The following SLC12A2 variants were observed in gnomAD, a reference collection of about 807,000 sequenced individuals.
The protein encoded by SLC12A2 is Na-K-2Cl cotransporter 1.
Under a neutral mutation model 136.3 loss-of-function variants are expected in SLC12A2, and 67 were observed. The observed-to-expected ratio is 0.49, with a 90% CI of 0.40 to 0.60. The LOEUF is 0.60. Ranked by LOEUF, SLC12A2 falls within the 20% of genes least tolerant of loss-of-function variation. The probability of loss-of-function intolerance (pLI) is 0.00; values close to 1 mark genes in which losing one functional copy is unlikely to be tolerated. For missense variants in SLC12A2, 1,322 were observed against 1,534.7 expected, an observed-to-expected ratio of 0.86 and a Z score of 2.32; for synonymous variants, 619 against 562.9, an observed-to-expected ratio of 1.10 and a Z score of -1.41.
At position 128,122,083 on chromosome 5, in the gene SLC12A2, A is replaced by G. The variant is rs6867100; in HGVS notation, c.1048+7402A>G. Reference sequence around the variant, plus strand: ...TTTTAATTAATACTGTATTATATGAACTGAGCAATACAAAGGAAAGTTTCC... The same window carrying G: ...TTTTAATTAATACTGTATTATATGAGCTGAGCAATACAAAGGAAAGTTTCC... On this transcript the variant is annotated intron_variant, in intron 4 of 26. Transcript: ENST00000262461. 9.1e-3 allele frequency among the ~76,000 whole-genome samples: 1,389 copies of G among 152,332 alleles called. 19 individuals are homozygous for G. Among genetic ancestry groups the G allele is most frequent in the African/African-American group, 0.031 (1,297 of 41,576 alleles).
In SLC12A2 at chr5:128,112,835, G is replaced by A; in HGVS notation, c.778G>A (p.Ala260Thr). 6.2e-7 allele frequency: 1 copy of A among 1,610,738 alleles called. No individual in the cohort carries two copies. Among genetic ancestry groups the A allele is most frequent in the Non-Finnish European group, 8.5e-7 (1 of 1,178,330 alleles). Residue 260 changes from alanine (A) to threonine (T), a missense_variant, in exon 2 of 27, where the codon GCA becomes ACA. By Grantham distance (58) the Ala-to-Thr change is moderately conservative. Transcript: ENST00000262461. ...CCAGGAACCTTTTGAGGATGGCTTT[G>A]CAAATGGGGAAGAAAGTACTCCAAC... ...LEKEPFEDGFANGEESTPTRD... is the reference protein window; with the variant it reads ...LEKEPFEDGFTNGEESTPTRD...
intron 7 of SLC12A2, among the ~76,000 whole-genome samples, chr5:128,138,023 G>A (rs937421432): frequency 6.0e-5 from 9 of 150,724 alleles, no homozygotes; most frequent in Non-Finnish European, 1.3e-4. Flanking sequence ...CTGGAGTGTC[G>A]ACTGTCCAGG....
chr5:128,182,711 G>T lies in SLC12A2; in HGVS notation c.3213-144G>T, dbSNP rs558933174. ...GTGAATTTAAGTCTACTTTGTGAAT[G>T]AATGGTGTGAATTAATTCAAATGGA... On this transcript the variant is annotated intron_variant, in intron 23 of 26. Transcript: ENST00000262461. 30 of 549,764 alleles carry T rather than the reference G, an allele frequency of 5.5e-5. 1 individual carries two copies. The South Asian group carries it at 8.3e-4, about 15-fold the overall frequency. 34.1% of individuals were successfully genotyped at this position (549,764 alleles called of 1,614,324 possible).
intron 17 of SLC12A2, among the ~76,000 whole-genome samples, chr5:128,163,279 A>T (rs145540975): frequency 6.6e-6 from 1 of 152,286 alleles, no homozygotes; most frequent in African/African-American, 2.4e-5. Context: ...CTGTAATCTT[A>T]GCACTTTGGG....
chr5:128,142,129 G>C (rs1210877680), intron 10 of SLC12A2, 148 bp downstream of exon 10: 1 of 669,818 alleles, frequency 1.5e-6, no homozygotes, highest in East Asian at 3.0e-5. Context: ...TTGAGATAGA[G>C]TCTCACTCTG....
At chr5:128,171,856 G>A (rs1040571858) in intron 19 of SLC12A2, 110 bp downstream of exon 19, 14 of 661,768 alleles carry the variant, frequency 2.1e-5, no homozygotes, top group Middle Eastern at 4.2e-4. Context: ...ATTATGTATC[G>A]TGGACTTATT....
At chr5:128,113,644 T>C (rs1012429433) in intron 2 of SLC12A2, among the ~76,000 whole-genome samples, 2 of 152,188 alleles carry the variant, frequency 1.3e-5, no homozygotes, top group African/African-American at 4.8e-5. Context: ...TCAGGTAGTA[T>C]TGTTTGCCTT....
chr5:128,152,903 A>G (rs1455355446), intron 15 of SLC12A2, 98 bp downstream of exon 15: 1 of 784,774 alleles, frequency 1.3e-6, no homozygotes, highest in Non-Finnish European at 2.3e-6. Context: ...CACATTTTTA[A>G]TCGGTCTTGG....
rs550307508 is a variant in SLC12A2, at chr5:128,163,114, C to T, written c.2616+1314C>T. On this transcript the variant is annotated intron_variant, in intron 17 of 26. Coordinates refer to ENST00000262461, the MANE Select transcript of SLC12A2 (RefSeq NM_001046.3). ...TGTGGTAATGTAGATTGGACAACAACGCTGTCCAAAATAGGAAAGCAACCT... is the reference window on the plus strand; with the variant it reads ...TGTGGTAATGTAGATTGGACAACAATGCTGTCCAAAATAGGAAAGCAACCT... Among the ~76,000 whole-genome samples, 5 of 152,262 alleles carry T rather than the reference C, an allele frequency of 3.3e-5. No individual in the cohort carries two copies. The East Asian group carries it at 5.8e-4, about 18-fold the overall frequency.
At chr5:128,119,350 G>A (rs1364410982) in intron 4 of SLC12A2, among the ~76,000 whole-genome samples, 1 of 152,122 alleles carries the variant, frequency 6.6e-6, no homozygotes, top group Non-Finnish European at 1.5e-5. Context: ...TATGTTTATT[G>A]TTTAGTAATT....
At chr5:128,150,254 CTT>C (rs1444964320) in intron 13 of SLC12A2, among the ~76,000 whole-genome samples, 156 bp downstream of exon 13, 1 of 151,768 alleles carries the variant, frequency 6.6e-6, no homozygotes, top group Non-Finnish European at 1.5e-5. Context: ...TCAAAGATCT[CTT>C]TATCAGTAAG....
At chr5:128,094,134 A>G (rs1760436985) in intron 1 of SLC12A2, among the ~76,000 whole-genome samples, 1 of 151,664 alleles carries the variant, frequency 6.6e-6, no homozygotes, top group South Asian at 2.1e-4. Context: ...GTGGTAGTAT[A>G]TCTATTAACA....
At chr5:128,149,960 A>T in intron 12 of SLC12A2, 37 bp from the exon 13 acceptor site, 1 of 1,340,226 alleles carries the variant, frequency 7.5e-7, no homozygotes. Flanking sequence ...TTAAATGTCT[A>T]ATACGTCAGT....
At chr5:128,118,410 G>A (rs1761434065) in intron 4 of SLC12A2, among the ~76,000 whole-genome samples, 1 of 152,180 alleles carries the variant, frequency 6.6e-6, no homozygotes, top group Non-Finnish European at 1.5e-5. Context: ...ATGAAATAAT[G>A]GCATTTGCGG....
chr5:128,152,639 C>A, intron 14 of SLC12A2, 67 bp from the exon 15 acceptor site: 1 of 949,006 alleles, frequency 1.1e-6, no homozygotes, highest in Non-Finnish European at 1.7e-6. Context: ...TTCTCTATGC[C>A]TCAGATTGGC....
rs1763910388 is a variant in SLC12A2, at chr5:128,187,674, G to A, written c.*1043G>A. On this transcript the variant is annotated 3_prime_UTR_variant, in exon 27 of 27. Transcript: ENST00000262461. ...CTGGTTTCTTAGAGAAATGTTTTTA[G>A]GCTTAATTCATTCAATTGTCAAGTA... The A allele has an allele frequency of 6.6e-6, 1 of 152,464 alleles. No individual in the cohort carries two copies. The highest frequency in any genetic ancestry group is 2.4e-5 in the African/African-American group (1 of 41,412). The allele number at this position is 152,464 out of a possible 1,614,324, so 9.4% of individuals were successfully genotyped here.
At chr5:128,104,235 G>A (rs1760847679) in intron 1 of SLC12A2, among the ~76,000 whole-genome samples, 1 of 152,120 alleles carries the variant, frequency 6.6e-6, no homozygotes, top group Non-Finnish European at 1.5e-5. Flanking sequence ...TGTAGAAACG[G>A]AATGATTGGC....
rs142096202 is a variant in SLC12A2, at chr5:128,174,001, C to T, written c.2804-540C>T. Among the ~76,000 whole-genome samples, 4 of 152,180 alleles carry T rather than the reference C, an allele frequency of 2.6e-5. No individual in the cohort carries two copies. The East Asian group carries it at 7.7e-4, about 29-fold the overall frequency. ...TTTTTCAGTGTTGTCTGTCATCTTACGTATCTATGGACAGTTGTTACATTT... is the reference window on the plus strand; with the variant it reads ...TTTTTCAGTGTTGTCTGTCATCTTATGTATCTATGGACAGTTGTTACATTT... On this transcript the variant is annotated intron_variant, in intron 19 of 26. Coordinates refer to ENST00000262461, the MANE Select transcript of SLC12A2 (RefSeq NM_001046.3).
Position 128,138,744 on chromosome 5 carries a change from A to G in SLC12A2, c.1536+20A>G, listed in dbSNP as rs957291343. Reference sequence around the variant, plus strand: ...CTTGCAGTAAGTATTATAAAGTGCTATATCAATTATATATTTTAAAAGTGG... The same window carrying G: ...CTTGCAGTAAGTATTATAAAGTGCTGTATCAATTATATATTTTAAAAGTGG... On this transcript the variant is annotated intron_variant, in intron 8 of 26. Coordinates refer to ENST00000262461, the MANE Select transcript of SLC12A2 (RefSeq NM_001046.3). 6.9e-6 allele frequency: 11 copies of G among 1,603,970 alleles called. No homozygotes were observed. The highest frequency in any genetic ancestry group is 5.4e-5 in the African/African-American group (4 of 74,244).
Sources: allele counts gnomAD v4.1 joint callset (sites outside exome capture counted in the v4.1 genomes callset), GRCh38; gene constraint gnomAD v4.1.1; transcripts MANE v1.5; gene names NCBI Gene and HGNC (gene_info 2026-07-23, HGNC 2026-07-21).